Variants in C1orf185 observed in about 807,000 individuals in gnomAD.
C1orf185 encodes the protein chromosome 1 open reading frame 185.
C1orf185 carries 13 observed loss-of-function variants against 16.1 expected under a neutral mutation model. That is an observed-to-expected ratio of 0.81 (90% confidence interval 0.53 to 1.28). The LOEUF (loss-of-function observed/expected upper bound fraction) is 1.28. C1orf185 is among the 50% of genes most tolerant of loss of function. C1orf185 has a pLI of 0.00. For synonymous variants in C1orf185, 80 were observed against 76.9 expected (o/e 1.04, Z -0.21); for missense variants, 220 against 225.2 (o/e 0.98, Z 0.15).
chr1:51,103,242 CA>C (rs1241205639), intron 1 of C1orf185, among the ~76,000 whole-genome samples: 1 of 151,584 alleles, frequency 6.6e-6, no homozygotes, highest in Admixed American at 6.6e-5. Context: ...TCCATCTCTA[CA>C]AAAAATTTAA....
chr1:51,115,438 T>G (rs1360455368), intron 2 of C1orf185, among the ~76,000 whole-genome samples: 1 of 152,224 alleles, frequency 6.6e-6, no homozygotes, highest in Non-Finnish European at 1.5e-5. Context: ...ATACCTTGGT[T>G]TATCTATTCT....
At chr1:51,149,537 A>AACCT (rs1646420160), downstream of C1orf185, among the ~76,000 whole-genome samples, 1 of 152,192 alleles carries the variant, frequency 6.6e-6, no homozygotes, top group African/African-American at 2.4e-5. Context: ...GGCACCCTGA[A>AACCT]ACCTGTTTTA....
chr1:51,116,029 T>TTA (rs1295769132), intron 2 of C1orf185, among the ~76,000 whole-genome samples: 13 of 152,220 alleles, frequency 8.5e-5, no homozygotes, highest in Non-Finnish European at 1.5e-4. Flanking sequence ...GAGGAGCAAT[T>TTA]TAGGGGGCTG....
downstream of C1orf185, among the ~76,000 whole-genome samples, chr1:51,150,119 T>C (rs927011694): frequency 4.6e-5 from 7 of 152,278 alleles, no homozygotes; most frequent in African/African-American, 1.2e-4. Context: ...TTCTTGTTTA[T>C]ATTACAAATT....
chr1:51,114,177 C>A (rs1646142036), intron 2 of C1orf185, among the ~76,000 whole-genome samples: 1 of 152,150 alleles, frequency 6.6e-6, no homozygotes, highest in Admixed American at 6.5e-5. Flanking sequence ...TGTGAATAAT[C>A]TGCAGTGAGA....
At chr1:51,135,020 C>A (rs1368475127) in intron 3 of C1orf185, among the ~76,000 whole-genome samples, 1 of 152,116 alleles carries the variant, frequency 6.6e-6, no homozygotes, top group Non-Finnish European at 1.5e-5. Flanking sequence ...CATCCTGATA[C>A]CAAAACCTGG....
intron 1 of C1orf185, 35 bp downstream of exon 1, chr1:51,102,284 G>C (rs1027166291): frequency 7.0e-6 from 5 of 709,732 alleles, no homozygotes; most frequent in Middle Eastern, 2.3e-4. Context: ...CTAGCTTTTT[G>C]CCTGGGAAGA....
At chr1:51,102,399 G>A (rs751941840) in intron 1 of C1orf185, 150 bp downstream of exon 1, 35 of 454,724 alleles carry the variant, frequency 7.7e-5, no homozygotes, top group Non-Finnish European at 1.3e-4. Flanking sequence ...AGTAGAAATT[G>A]TAAAGTTATT....
rs372880211 is a variant in C1orf185, at chr1:51,139,477, T to G, written c.259-6247T>G. On this transcript the variant is annotated intron_variant, in intron 3 of 4. Transcript: ENST00000371759. ...GCTAGGTTCATAAAATGAAAATGAT[T>G]GGGGAGGGTTTCTTCTTTTTCTGTA... Among the ~76,000 whole-genome samples the G allele has an allele frequency of 2.0e-5, 3 of 152,286 alleles. No homozygotes were observed. The East Asian group carries it at 5.8e-4, about 29-fold the overall frequency.
At chr1:51,119,748 T>A (rs1646184016) in intron 3 of C1orf185, among the ~76,000 whole-genome samples, 1 of 152,206 alleles carries the variant, frequency 6.6e-6, no homozygotes, top group Admixed American at 6.5e-5. Context: ...TGCAGTGAGC[T>A]ATGACTGCGC....
At chr1:51,123,549 A>C (rs964147052) in intron 3 of C1orf185, among the ~76,000 whole-genome samples, 4 of 152,196 alleles carry the variant, frequency 2.6e-5, no homozygotes, top group African/African-American at 9.6e-5. Context: ...CAATTATGGG[A>C]TCTTATGGTA....
In C1orf185 at chr1:51,112,549, G is replaced by C; in HGVS notation, c.102G>C (p.Trp34Cys). The change falls in exon 2 of 5, where the codon TGG (tryptophan) becomes TGC (cysteine). Residue 34 changes from tryptophan to cysteine, a missense_variant. Physicochemically the swap from Trp to Cys is radical, Grantham distance 215. Transcript: ENST00000371759. ...TCTTTGCTTTGGCATCAGCTTTGTG[G>C]TTCCTGATTTGCAAACGAAGGTAAG... ...IGFFALASAL[W>C]FLICKRREIF... is the part of the protein sequence containing the mutation. 8 of 1,549,144 alleles carry C rather than the reference G, an allele frequency of 5.2e-6. No individual in the cohort carries two copies. Among genetic ancestry groups the C allele is most frequent in the Non-Finnish European group, 7.0e-6 (8 of 1,146,132 alleles).
chr1:51,125,992 TA>T (rs939934149), intron 3 of C1orf185, among the ~76,000 whole-genome samples: 1 of 152,102 alleles, frequency 6.6e-6, no homozygotes, highest in Non-Finnish European at 1.5e-5. Flanking sequence ...ACCCCAGCTC[TA>T]AAAACAAAAA....
At chr1:51,150,678 A>G (rs1001462139), downstream of C1orf185, among the ~76,000 whole-genome samples, 1 of 152,226 alleles carries the variant, frequency 6.6e-6, no homozygotes. Flanking sequence ...CTCTTTATGC[A>G]AGCTGACAAG....
chr1:51,131,633 G>A (rs1303869972), intron 3 of C1orf185, among the ~76,000 whole-genome samples: 2 of 152,088 alleles, frequency 1.3e-5, no homozygotes, highest in African/African-American at 4.8e-5. Context: ...GAGAGAGAGA[G>A]AGAAAGGAAG....
chr1:51,133,929 A>G (rs553014206), intron 3 of C1orf185, among the ~76,000 whole-genome samples: 18 of 152,186 alleles, frequency 1.2e-4, no homozygotes, highest in Non-Finnish European at 2.1e-4. Flanking sequence ...TAAAAATACA[A>G]AAATTAGCCA....
intron 1 of C1orf185, among the ~76,000 whole-genome samples, chr1:51,110,759 A>G (rs1451344244): frequency 6.6e-6 from 1 of 152,156 alleles, no homozygotes; most frequent in Non-Finnish European, 1.5e-5. Flanking sequence ...ACTTGAGGTC[A>G]GGAGTTAGAG....
intron 2 of C1orf185, among the ~76,000 whole-genome samples, chr1:51,116,313 C>A (rs1646157145): frequency 1.4e-5 from 2 of 146,532 alleles, no homozygotes; most frequent in South Asian, 4.3e-4. Context: ...AGTCACCCTA[C>A]CCTTTTTTTT....
rs148129406 is a variant in C1orf185 at position 51,125,274 on chromosome 1, T to C, written c.258+6473T>C. 2.6e-5 allele frequency among the ~76,000 whole-genome samples: 4 copies of C among 152,342 alleles called. No individual in the cohort carries two copies. The East Asian group carries it at 5.8e-4, about 22-fold the overall frequency. ...ATTATCTATTTATGCATTTGTGAAA[T>C]AATAGCTTTCAGTCTTTTAGGGGGT... is the stretch of plus-strand genomic sequence containing the variant. On this transcript the variant is annotated intron_variant, in intron 3 of 4. Transcript: ENST00000371759.
Sources: gnomAD v4.1 joint callset for allele counts (sites outside exome capture counted in the v4.1 genomes callset) on GRCh38, gnomAD v4.1.1 for gene constraint, MANE v1.5 for transcripts, NCBI Gene and HGNC (gene_info 2026-07-23, HGNC 2026-07-21) for gene names.